UNC79: variants seen among roughly 807,000 people sequenced by gnomAD.
UNC79 encodes unc-79 subunit of NALCN channel complex.
In UNC79, 37 loss-of-function variants were observed where a neutral mutation model predicts 283.1. The ratio of observed to expected loss-of-function variants is 0.13; its 90% confidence interval spans 0.10 to 0.17. The LOEUF is 0.17. UNC79 is among the 10% of genes least tolerant of loss of function. UNC79 has a pLI of 1.00. For synonymous variants in UNC79, 1,107 were observed against 1,200.2 expected (o/e 0.92, Z 1.61); for missense variants, 2,272 against 3,211.1 (o/e 0.71, Z 7.07).
At chr14:93,401,644 G>C (rs535001354) in intron 1 of UNC79, among the ~76,000 whole-genome samples, 2 of 152,282 alleles carry the variant, frequency 1.3e-5, no homozygotes, top group East Asian at 3.9e-4. Flanking sequence ...ATTGTTGTTG[G>C]CTCCTTCTTG....
chr14:93,661,117 G>A (rs2071560740), intron 39 of UNC79, among the ~76,000 whole-genome samples: 1 of 151,778 alleles, frequency 6.6e-6, no homozygotes, highest in African/African-American at 2.4e-5. Context: ...CTTTAATTTA[G>A]TCATTTTTTT....
chr14:93,382,325 A>G (rs990866854), intron 1 of UNC79, among the ~76,000 whole-genome samples: 2 of 152,102 alleles, frequency 1.3e-5, no homozygotes, highest in African/African-American at 4.8e-5. Flanking sequence ...CTGAATGTGT[A>G]AGAGTATGTG....
chr14:93,493,901 ATT>A (rs71129642), intron 5 of UNC79, among the ~76,000 whole-genome samples: 3,752 of 48,978 alleles, frequency 0.077, 105 homozygotes, highest in East Asian at 0.24. Flanking sequence ...ATATATATAT[ATT>A]TTTTTTTTTT....
At chr14:93,334,502 C>G (rs1160962530) in intron 1 of UNC79, 1 of 152,202 alleles carries the variant, frequency 6.6e-6, no homozygotes, top group African/African-American at 2.4e-5. Context: ...ATAGGTCCAT[C>G]TAATTGGAGC....
intron 39 of UNC79, among the ~76,000 whole-genome samples, chr14:93,660,555 ATATATATATG>A (rs1325868835): frequency 1.9e-4 from 18 of 92,838 alleles, no homozygotes; most frequent in Admixed American, 2.1e-4. Flanking sequence ...ATATATATAT[ATATATATATG>A]TGTGTGTGTG....
intron 24 of UNC79, among the ~76,000 whole-genome samples, chr14:93,598,259 G>A (rs1201705296): frequency 6.6e-6 from 1 of 152,070 alleles, no homozygotes; most frequent in African/African-American, 2.4e-5. Context: ...CCAGAGTGCT[G>A]GGATTATAAG....
chr14:93,493,899 A>AT (rs1298223300), intron 5 of UNC79, among the ~76,000 whole-genome samples: 21 of 60,286 alleles, frequency 3.5e-4, no homozygotes, highest in Middle Eastern at 0.017. Context: ...ATATATATAT[A>AT]TATTTTTTTT....
chr14:93,694,854 C>G (rs1294664835), intron 47 of UNC79, among the ~76,000 whole-genome samples: 2 of 152,180 alleles, frequency 1.3e-5, no homozygotes, highest in African/African-American at 4.8e-5. Flanking sequence ...CCTTACCTTG[C>G]AAAACATATC....
chr14:93,692,310 ATATC>A (rs1284352451), intron 46 of UNC79, among the ~76,000 whole-genome samples: 1 of 152,226 alleles, frequency 6.6e-6, no homozygotes, highest in Non-Finnish European at 1.5e-5. Flanking sequence ...TCCACAATGT[ATATC>A]TATCTCAAAA....
chr14:93,633,662 T>C (rs914793218), intron 31 of UNC79, among the ~76,000 whole-genome samples: 1 of 152,168 alleles, frequency 6.6e-6, no homozygotes, highest in Non-Finnish European at 1.5e-5. Context: ...TTGGTAGGGA[T>C]TGGTGGGACT....
At chr14:93,604,320 T>C (rs2065730210) in intron 26 of UNC79, among the ~76,000 whole-genome samples, 1 of 152,240 alleles carries the variant, frequency 6.6e-6, no homozygotes, top group Non-Finnish European at 1.5e-5. Flanking sequence ...TACAGCCTTA[T>C]ATAACATAAC....
chr14:93,588,740 C>CAAAA (rs397745981), intron 22 of UNC79, among the ~76,000 whole-genome samples: 22 of 17,766 alleles, frequency 1.2e-3, no homozygotes, highest in Non-Finnish European at 2.3e-3. Flanking sequence ...GACTCCGTCT[C>CAAAA]AAAAAAAAAA....
intron 25 of UNC79, among the ~76,000 whole-genome samples, chr14:93,601,557 A>G (rs147801452): frequency 6.6e-6 from 1 of 152,314 alleles, no homozygotes; most frequent in African/African-American, 2.4e-5. Flanking sequence ...TTGTGCTGCT[A>G]TAAACATGCA....
chr14:93,435,775 A>G (rs1174936705), intron 1 of UNC79, among the ~76,000 whole-genome samples: 1 of 152,240 alleles, frequency 6.6e-6, no homozygotes, highest in Non-Finnish European at 1.5e-5. Context: ...TAGCTCGTCA[A>G]CAATCTCTGC....
chr14:93,660,189 C>A lies in UNC79; in HGVS notation c.6525+928C>A, dbSNP rs74498610. On this transcript the variant is annotated intron_variant, in intron 39 of 48. Coordinates refer to ENST00000555664, the Ensembl canonical transcript of UNC79. Reference sequence around the variant, plus strand: ...ATGTACGTATTCTGCAACTGTTTAACTTGACTGTGCTTTCATAGACTCATG... The same window carrying A: ...ATGTACGTATTCTGCAACTGTTTAAATTGACTGTGCTTTCATAGACTCATG... 7.2e-3 allele frequency among the ~76,000 whole-genome samples: 1,090 copies of A among 152,208 alleles called. 13 individuals are homozygous for A. The highest frequency in any genetic ancestry group is 0.025 in the African/African-American group (1,030 of 41,504).
At chr14:93,598,817 G>A (rs978821823) in intron 24 of UNC79, among the ~76,000 whole-genome samples, 6 of 152,242 alleles carry the variant, frequency 3.9e-5, no homozygotes, top group South Asian at 2.1e-4. Context: ...CCACCACTGC[G>A]CCTGGCCTGA....
At chr14:93,518,393 G>A (rs2060169327) in intron 7 of UNC79, among the ~76,000 whole-genome samples, 1 of 151,938 alleles carries the variant, frequency 6.6e-6, no homozygotes, top group South Asian at 2.1e-4. Flanking sequence ...AGGATCTGTA[G>A]TGATGTTCTA....
At chr14:93,705,307 C>A (rs1398308341) in intron 48 of UNC79, among the ~76,000 whole-genome samples, 5 of 106,986 alleles carry the variant, frequency 4.7e-5, no homozygotes, top group Non-Finnish European at 7.1e-5. Context: ...TTTGCAGTAA[C>A]AAGATTGTGT....
exon 20 of UNC79, chr14:93,582,311 C>T (rs1448697750): frequency 6.2e-7 from 1 of 1,613,980 alleles, no homozygotes; most frequent in Non-Finnish European, 8.5e-7. Flanking sequence ...TGGGGAGAAC[C>T]CAGGCAACTG....
Sources: gnomAD v4.1 joint callset for allele counts (sites outside exome capture counted in the v4.1 genomes callset) on GRCh38, gnomAD v4.1.1 for gene constraint, MANE v1.5 for transcripts, NCBI Gene and HGNC (gene_info 2026-07-23, HGNC 2026-07-21) for gene names.